USP24: variants seen among roughly 807,000 people sequenced by gnomAD.
The protein encoded by USP24 is ubiquitin specific peptidase 24.
A neutral mutation model predicts 361.6 loss-of-function variants in USP24; 97 were observed. The observed-to-expected ratio is 0.27, with a 90% CI of 0.23 to 0.32. The LOEUF is 0.32. USP24 is among the 10% of genes least tolerant of loss of function. The pLI, the probability that USP24 is intolerant of heterozygous loss-of-function variation, is 1.00. For missense variants in USP24, 2,353 were observed against 3,165.6 expected (o/e 0.74, Z 6.16); for synonymous variants, 1,098 against 1,124.6 (o/e 0.98, Z 0.47).
chr1:55,075,837 C>T (rs1557526203), intron 62 of USP24, among the ~76,000 whole-genome samples: 1 of 152,068 alleles, frequency 6.6e-6, no homozygotes, highest in Non-Finnish European at 1.5e-5. Flanking sequence ...GGCACAGTGA[C>T]ATGTGCCTGT....
Position 55,157,001 on chromosome 1 carries a change from G to A in USP24, c.1393C>T (p.Leu465Phe), listed in dbSNP as rs757373761. ...TCTAACGACAATTTACTACCCAAGA[G>A]TTCAATAATTCCCTTTATACGGTCA... ...YCDRIKGIIE[L>F]LGSKLSLDEL... Residue 465 changes from leucine (L) to phenylalanine (F), a missense_variant, in exon 12 of 68, where the codon CTC becomes TTC. By Grantham distance (22) the Leu-to-Phe change is conservative. Coordinates refer to ENST00000294383, the MANE Select transcript of USP24 (RefSeq NM_015306.3). The A allele has an allele frequency of 1.2e-6, 2 of 1,613,116 alleles. No individual in the cohort carries two copies. The highest frequency in any genetic ancestry group is 2.2e-5 in the South Asian group (2 of 91,028).
At chr1:55,135,858 G>A (rs1646719769) in intron 28 of USP24, among the ~76,000 whole-genome samples, 1 of 152,128 alleles carries the variant, frequency 6.6e-6, no homozygotes, top group Admixed American at 6.5e-5. Context: ...AAGCAGAACA[G>A]TCTTACGCAG....
intron 1 of USP24, among the ~76,000 whole-genome samples, chr1:55,184,083 G>T (rs935505927): frequency 3.3e-5 from 5 of 152,072 alleles, no homozygotes; most frequent in Non-Finnish European, 5.9e-5. Flanking sequence ...TTGAGACAGG[G>T]TCTGGCTCTG....
chr1:55,081,191 A>G, intron 59 of USP24, 131 bp downstream of exon 59: 1 of 893,638 alleles, frequency 1.1e-6, no homozygotes, highest in South Asian at 1.8e-5. Context: ...ATTAAAACAA[A>G]AATTTTAAGT....
chr1:55,072,551 C>A (rs916615856), intron 65 of USP24, 148 bp from the exon 66 acceptor site: 9 of 775,030 alleles, frequency 1.2e-5, no homozygotes, highest in Non-Finnish European at 1.6e-5. Flanking sequence ...CGATTCAAGA[C>A]CTCAGTCAAG....
At chr1:55,154,634 A>G in intron 13 of USP24, 37 bp downstream of exon 13, 1 of 1,589,676 alleles carries the variant, frequency 6.3e-7, no homozygotes, top group East Asian at 2.2e-5. Context: ...TTATTTTAAG[A>G]AAATTTAAAA....
intron 59 of USP24, among the ~76,000 whole-genome samples, chr1:55,080,362 A>C (rs1339449624): frequency 1.3e-5 from 2 of 152,172 alleles, no homozygotes; most frequent in African/African-American, 2.4e-5. Flanking sequence ...TCTCTATCAG[A>C]AGGATGCTCT....
At position 55,177,937 on chromosome 1, in the gene USP24, CCTCATGTGTT is replaced by C. The variant is rs1385290826; in HGVS notation, c.490+20_490+29del. On this transcript the variant is annotated intron_variant, in intron 2 of 67. Transcript: ENST00000294383. ...CTCAGGCCTTCTATGAAACAAATGT[CCTCATGTGTT>C]CTAAGGTCTGAAAACTTACCAAGTC... The C allele has an allele frequency of 1.9e-6, 3 of 1,539,482 alleles. No individual in the cohort carries two copies. The highest frequency in any genetic ancestry group is 1.7e-4 in the Middle Eastern group (1 of 5,940).
intron 16 of USP24, among the ~76,000 whole-genome samples, chr1:55,151,375 C>T (rs111535788): frequency 1.8e-3 from 273 of 152,248 alleles, no homozygotes; most frequent in African/African-American, 6.0e-3. Context: ...GTACTGAGGA[C>T]ATCTTGCTAC....
In USP24 at chr1:55,075,652, AACAACAACAACAACACCACCACC is replaced by A. The variant is rs1209992053; in HGVS notation, c.7381-152_7381-130del. 637 of 505,454 alleles carry A rather than the reference AACAACAACAACAACACCACCACC, an allele frequency of 1.3e-3. 8 individuals are homozygous for A. The African/African-American group carries it at 0.032, about 26-fold the overall frequency. 31.3% of individuals were successfully genotyped at this position (505,454 alleles called of 1,614,324 possible). The stretch of plus-strand genomic sequence containing the variant: ...CAACAACAACAACAACAACAACAAC[AACAACAACAACAACACCACCACC>A]ACCAATACAGGACGGGCATGGTGGC... On this transcript the variant is annotated intron_variant, in intron 62 of 67. Coordinates refer to ENST00000294383, the MANE Select transcript of USP24 (RefSeq NM_015306.3).
At chr1:55,121,295 T>G in intron 37 of USP24, 141 bp downstream of exon 37, 1 of 649,002 alleles carries the variant, frequency 1.5e-6, no homozygotes, top group Non-Finnish European at 2.6e-6. Context: ...TACTTTTCTT[T>G]CATGGTCTGC....
rs1163120427 is a variant in USP24 at position 55,125,458 on chromosome 1, T to C, written c.3822A>G (p.Arg1274=). Residue 1274 remains arginine, a synonymous_variant, in exon 34 of 68, where the codon CGA becomes CGG. Coordinates refer to ENST00000294383, the MANE Select transcript of USP24 (RefSeq NM_015306.3). ...GIEALSSRPF[R]NVSRQTSRQM... is the part of the protein sequence containing the mutation. ...GTCTGCTTGTCTGCCGGCTGACATT[T>C]CGGAATGGGCGGGAAGAAAGTGCTT... is the stretch of plus-strand genomic sequence containing the variant. The C allele has an allele frequency of 6.2e-7, 1 of 1,613,990 alleles. No homozygotes were observed. Among genetic ancestry groups the C allele is most frequent in the Non-Finnish European group, 8.5e-7 (1 of 1,179,882 alleles).
chr1:55,202,981 T>A (rs577289113), intron 1 of USP24, among the ~76,000 whole-genome samples: 5 of 152,218 alleles, frequency 3.3e-5, no homozygotes, highest in Admixed American at 6.5e-5. Context: ...AAGTGAGAGA[T>A]CACATTCATA....
chr1:55,164,802 AT>A lies in USP24; in HGVS notation c.927+1082del, dbSNP rs879467445. Among the ~76,000 whole-genome samples the A allele has an allele frequency of 4.7e-3, 677 of 143,012 alleles. 1 individual carries two copies. Among genetic ancestry groups the A allele is most frequent in the African/African-American group, 5.5e-3 (215 of 39,296 alleles). The allele number at this position is 143,012 out of a possible 152,430, so 93.8% of individuals were successfully genotyped here. ...GGATAGAAATTTGGGAGTGCTCTGT[AT>A]TTTTTTTTTTTTAACCCTGGATCTG... On this transcript the variant is annotated intron_variant, in intron 7 of 67. Coordinates refer to ENST00000294383, the MANE Select transcript of USP24 (RefSeq NM_015306.3).
chr1:55,103,934 A>G lies in USP24; in HGVS notation c.4967T>C (p.Ile1656Thr). 1 of 1,612,524 alleles carries G rather than the reference A, an allele frequency of 6.2e-7. No homozygotes were observed. The highest frequency in any genetic ancestry group is 1.1e-5 in the South Asian group (1 of 90,672). The change falls in exon 42 of 68, where the codon ATA becomes ACA. Residue 1656 changes from isoleucine to threonine, a missense_variant. By Grantham distance (89) the Ile-to-Thr change is moderately conservative. Coordinates refer to ENST00000294383, the MANE Select transcript of USP24 (RefSeq NM_015306.3). ...GTGATGCATAGAAAGCAGTTCTTTT[A>G]TAATAATTTGAAGATTTGAAGGTGA... ...DSSPSNLQII[I>T]KELLSMHHQP...
chr1:55,189,925 T>C (rs1366850007), intron 1 of USP24, among the ~76,000 whole-genome samples: 1 of 152,030 alleles, frequency 6.6e-6, no homozygotes, highest in Non-Finnish European at 1.5e-5. Flanking sequence ...CCCAGCACTT[T>C]GGGAGGCTGA....
At chr1:55,174,203 T>C (rs1272891034) in intron 3 of USP24, among the ~76,000 whole-genome samples, 1 of 152,172 alleles carries the variant, frequency 6.6e-6, no homozygotes, top group African/African-American at 2.4e-5. Flanking sequence ...TACCCTTACT[T>C]CTAAAAGAAA....
intron 5 of USP24, 53 bp from the exon 6 acceptor site, chr1:55,166,656 A>T: frequency 7.0e-7 from 1 of 1,435,868 alleles, no homozygotes; most frequent in Non-Finnish European, 9.5e-7. Context: ...CTTCCCCATT[A>T]ACCCTTACAT....
intron 1 of USP24, among the ~76,000 whole-genome samples, chr1:55,187,416 T>C (rs1470790621): frequency 6.6e-6 from 1 of 152,226 alleles, no homozygotes; most frequent in Non-Finnish European, 1.5e-5. Flanking sequence ...ACAGCTTCCA[T>C]TCAACACTGC....
Sources: allele counts gnomAD v4.1 joint callset (sites outside exome capture counted in the v4.1 genomes callset), GRCh38; gene constraint gnomAD v4.1.1; transcripts MANE v1.5; gene names NCBI Gene and HGNC (gene_info 2026-07-23, HGNC 2026-07-21).